The following GPC6 variants were observed in gnomAD, a reference collection of about 807,000 sequenced individuals.
The protein encoded by GPC6 is glypican-6.
GPC6 carries 14 observed loss-of-function variants against 55.2 expected under a neutral mutation model. The observed-to-expected ratio is 0.25, with a 90% CI of 0.17 to 0.40. GPC6 has a LOEUF of 0.40. Among genes scored for constraint, GPC6 ranks in the 10% least tolerant of loss-of-function variants. The pLI is 1.00. For missense variants in GPC6, 641 were observed against 708.5 expected (o/e 0.90, Z 1.08); for synonymous variants, 278 against 259.6 (o/e 1.07, Z -0.68).
intron 3 of GPC6, among the ~76,000 whole-genome samples, chr13:93,842,094 T>A (rs1337287043): frequency 6.6e-6 from 1 of 152,160 alleles, no homozygotes; most frequent in Admixed American, 6.5e-5. Context: ...TATCAAGACA[T>A]AAGGAAATAC....
chr13:93,910,943 C>T (rs1216454205), intron 3 of GPC6, among the ~76,000 whole-genome samples: 1 of 152,222 alleles, frequency 6.6e-6, no homozygotes, highest in African/African-American at 2.4e-5. Context: ...TTACCAGCTG[C>T]AGCAATTCAG....
intron 1 of GPC6, among the ~76,000 whole-genome samples, chr13:93,366,438 T>C (rs893445646): frequency 6.6e-6 from 1 of 152,064 alleles, no homozygotes; most frequent in South Asian, 2.1e-4. Flanking sequence ...CTACATGCAG[T>C]GTTGCAGATA....
chr13:93,451,847 G>A (rs1218501201), intron 1 of GPC6, among the ~76,000 whole-genome samples: 2 of 152,238 alleles, frequency 1.3e-5, no homozygotes, highest in Middle Eastern at 3.4e-3. Context: ...TGTAAAACTC[G>A]TTAATGCATT....
chr13:94,036,093 G>A (rs1035975596), intron 4 of GPC6, among the ~76,000 whole-genome samples: 3 of 151,930 alleles, frequency 2.0e-5, no homozygotes, highest in African/African-American at 7.2e-5. Flanking sequence ...TTTTCCTTTT[G>A]TTACTCTAAA....
At chr13:93,704,329 A>T (rs956311435) in intron 2 of GPC6, among the ~76,000 whole-genome samples, 2 of 151,948 alleles carry the variant, frequency 1.3e-5, no homozygotes, top group Non-Finnish European at 2.9e-5. Context: ...ATAAGGAAGA[A>T]TTAGTTCTGT....
At chr13:93,479,698 A>G (rs1449234032) in intron 1 of GPC6, among the ~76,000 whole-genome samples, 3 of 152,110 alleles carry the variant, frequency 2.0e-5, no homozygotes, top group Non-Finnish European at 2.9e-5. Flanking sequence ...GCAAACATTT[A>G]TGGATCATCT....
At chr13:94,009,621 C>T (rs554470683) in intron 3 of GPC6, among the ~76,000 whole-genome samples, 1 of 152,254 alleles carries the variant, frequency 6.6e-6, no homozygotes, top group East Asian at 1.9e-4. Context: ...GAAATTACCT[C>T]TGTACACGTC....
intron 7 of GPC6, among the ~76,000 whole-genome samples, chr13:94,386,346 C>A (rs2139212545): frequency 7.0e-6 from 1 of 143,122 alleles, no homozygotes; most frequent in South Asian, 2.2e-4. Context: ...GGCGAGAGAG[C>A]AAGACTCTGT....
At position 93,836,970 on chromosome 13, in the gene GPC6, G is replaced by A. The variant is rs112990813; in HGVS notation, c.711+6425G>A. ...CAGTTGAGTCTCCAGCAGTAAGAAA[G>A]TTTCACTTTGATTAAAACAATTTGA... On this transcript the variant is annotated intron_variant, in intron 3 of 8. Transcript: ENST00000377047. 1.7e-3 allele frequency among the ~76,000 whole-genome samples: 259 copies of A among 152,212 alleles called. 2 individuals carry two copies. The highest frequency in any genetic ancestry group is 5.9e-3 in the African/African-American group (245 of 41,548).
chr13:93,743,737 T>C (rs2138852782), intron 2 of GPC6, among the ~76,000 whole-genome samples: 1 of 152,302 alleles, frequency 6.6e-6, no homozygotes, highest in East Asian at 1.9e-4. Context: ...AATTAAAATT[T>C]ATTATTTTTC....
intron 2 of GPC6, among the ~76,000 whole-genome samples, chr13:93,813,293 T>C (rs1033010738): frequency 2.6e-5 from 4 of 152,112 alleles, no homozygotes; most frequent in African/African-American, 7.2e-5. Context: ...GGCAGGTGGA[T>C]GTAATCCCAC....
At chr13:93,984,269 C>A (rs551426904) in intron 3 of GPC6, among the ~76,000 whole-genome samples, 1 of 152,174 alleles carries the variant, frequency 6.6e-6, no homozygotes, top group South Asian at 2.1e-4. Context: ...ATTTTTCTTT[C>A]TCTACATGTT....
At chr13:94,316,672 C>G (rs1366241830) in intron 6 of GPC6, among the ~76,000 whole-genome samples, 5 of 149,862 alleles carry the variant, frequency 3.3e-5, no homozygotes, top group African/African-American at 1.2e-4. Context: ...AGCCGAGATC[C>G]CGCCACTGCA....
chr13:94,315,803 G>A (rs893142767), intron 6 of GPC6, among the ~76,000 whole-genome samples: 12 of 152,284 alleles, frequency 7.9e-5, no homozygotes, highest in East Asian at 1.9e-4. Context: ...TGAACCATGC[G>A]TAGGTGACTA....
intron 2 of GPC6, among the ~76,000 whole-genome samples, chr13:93,548,511 G>GC (rs1874949307): frequency 6.6e-6 from 1 of 152,060 alleles, no homozygotes; most frequent in Non-Finnish European, 1.5e-5. Flanking sequence ...TTATTTTGTG[G>GC]CAGTGGTGAC....
chr13:93,762,795 C>T (rs1255341465), intron 2 of GPC6, among the ~76,000 whole-genome samples: 2 of 152,182 alleles, frequency 1.3e-5, no homozygotes, highest in South Asian at 2.1e-4. Context: ...TCAATTTACT[C>T]GTTGAATGAT....
intron 1 of GPC6, among the ~76,000 whole-genome samples, chr13:93,377,711 G>T (rs1874976557): frequency 6.6e-6 from 1 of 152,106 alleles, no homozygotes; most frequent in Admixed American, 6.5e-5. Context: ...TGAACACCCT[G>T]ATTTTAAATC....
intron 2 of GPC6, among the ~76,000 whole-genome samples, chr13:93,649,583 G>A (rs1880323727): frequency 6.6e-6 from 1 of 152,120 alleles, no homozygotes; most frequent in African/African-American, 2.4e-5. Context: ...CAAAAAAATG[G>A]TGAGATCTTA....
intron 1 of GPC6, among the ~76,000 whole-genome samples, chr13:93,342,528 C>T (rs1157850687): frequency 6.6e-6 from 1 of 152,156 alleles, no homozygotes; most frequent in Non-Finnish European, 1.5e-5. Flanking sequence ...AATTACCTCC[C>T]ATCAGGTCCC....
Sources: allele counts gnomAD v4.1 joint callset (sites outside exome capture counted in the v4.1 genomes callset), GRCh38; gene constraint gnomAD v4.1.1; transcripts MANE v1.5; gene names NCBI Gene and HGNC (gene_info 2026-07-23, HGNC 2026-07-21).